The following OPRM1 variants were observed in gnomAD, a reference collection of about 807,000 sequenced individuals.
OPRM1 encodes the protein mu-type opioid receptor.
A neutral mutation model predicts 31.8 loss-of-function variants in OPRM1; 27 were observed. The observed-to-expected ratio is 0.85, with a 90% CI of 0.63 to 1.17. The LOEUF is 1.17. OPRM1 is among the 50% of genes most tolerant of loss of function. The pLI is 0.00. For synonymous variants in OPRM1, 196 were observed against 189.9 expected (o/e 1.03, Z -0.26); for missense variants, 536 against 511.1 (o/e 1.05, Z -0.47).
At position 154,121,008 on chromosome 6, in the gene OPRM1, G is replaced by A. The variant is rs598160; in HGVS notation, c.*2287G>A. Among the ~76,000 whole-genome samples, 101,643 of 152,042 alleles carry A rather than the reference G, an allele frequency of 0.67. 34,307 individuals carry two copies. Among genetic ancestry groups the A allele is most frequent in the East Asian group, 0.9 (4,661 of 5,188 alleles). The stretch of plus-strand genomic sequence containing the variant: ...TTTTCATTCAAAACCATTTTTTAAC[G>A]TAAATTTGCTAGAACCACCTTCCAA... On this transcript the variant is annotated 3_prime_UTR_variant, in exon 4 of 4. Transcript: ENST00000330432.
At chr6:154,057,732 G>A (rs1284828670) in intron 1 of OPRM1, among the ~76,000 whole-genome samples, 2 of 152,192 alleles carry the variant, frequency 1.3e-5, no homozygotes, top group Non-Finnish European at 1.5e-5. Flanking sequence ...AGTCCTGTAT[G>A]AGTGGAATTT....
chr6:154,152,338 A>AAG (rs1562510643), intron 3 of OPRM1, among the ~76,000 whole-genome samples: 3 of 19,446 alleles, frequency 1.5e-4, no homozygotes, highest in Non-Finnish European at 3.1e-4. Context: ...AAAGAAAGAA[A>AAG]GAAAGAAAGG....
At chr6:154,182,449 G>A (rs1369756461) in intron 3 of OPRM1, among the ~76,000 whole-genome samples, 1 of 151,838 alleles carries the variant, frequency 6.6e-6, no homozygotes, top group Non-Finnish European at 1.5e-5. Context: ...TCAACTATCT[G>A]ATTAAGTAGC....
intron 1 of OPRM1, among the ~76,000 whole-genome samples, chr6:154,076,298 A>G (rs552230801): frequency 3.9e-5 from 6 of 152,216 alleles, no homozygotes; most frequent in Admixed American, 1.3e-4. Context: ...GGACAAAAAC[A>G]CTATGAATAA....
intron 3 of OPRM1, among the ~76,000 whole-genome samples, chr6:154,117,565 A>G (rs1156624934): frequency 6.6e-6 from 1 of 152,170 alleles, no homozygotes; most frequent in Non-Finnish European, 1.5e-5. Context: ...CTTAAGTCTC[A>G]GCACCTGGGG....
intron 1 of OPRM1, among the ~76,000 whole-genome samples, chr6:154,033,085 C>T (rs1188429702): frequency 6.6e-6 from 1 of 152,106 alleles, no homozygotes; most frequent in Non-Finnish European, 1.5e-5. Flanking sequence ...AAAACATCAA[C>T]ATTTAAAATG....
At chr6:154,133,834 T>C (rs186324977), downstream of OPRM1, among the ~76,000 whole-genome samples, 2 of 152,330 alleles carry the variant, frequency 1.3e-5, no homozygotes, top group East Asian at 3.9e-4. Context: ...CAAGACTGAC[T>C]GCTATTCTTG....
chr6:154,059,720 T>C (rs1784036045), intron 1 of OPRM1, among the ~76,000 whole-genome samples: 1 of 152,246 alleles, frequency 6.6e-6, no homozygotes, highest in African/African-American at 2.4e-5. Context: ...TCATGTGACA[T>C]ACAGTAGCTG....
intron 1 of OPRM1, among the ~76,000 whole-genome samples, chr6:154,043,640 GATA>G (rs575856782): frequency 2.6e-5 from 4 of 151,584 alleles, no homozygotes; most frequent in Non-Finnish European, 5.9e-5. Context: ...AAAATAAAAA[GATA>G]ATAGTTTATT....
In OPRM1 at chr6:154,076,384, C is replaced by T. The variant is rs547465493; in HGVS notation, c.291-13442C>T. Among the ~76,000 whole-genome samples, 96 of 152,258 alleles carry T rather than the reference C, an allele frequency of 6.3e-4. 1 individual carries two copies. In the South Asian group the frequency reaches 9.3e-3, roughly 15 times the overall value. The stretch of plus-strand genomic sequence containing the variant: ...TTTTTATAAATCAGTGAGAAAAAGA[C>T]AACCTAATAAAAATGGTCAAAAAAT... On this transcript the variant is annotated intron_variant, in intron 1 of 3. Coordinates refer to ENST00000330432, the MANE Select transcript of OPRM1 (RefSeq NM_000914.5).
chr6:154,056,961 G>A (rs929738975), intron 1 of OPRM1, among the ~76,000 whole-genome samples: 1 of 152,160 alleles, frequency 6.6e-6, no homozygotes, highest in African/African-American at 2.4e-5. Context: ...GAAATTGGTA[G>A]TCCTATTAAA....
Position 154,126,840 on chromosome 6 carries a change from G to C in OPRM1, c.*8119G>C, listed in dbSNP as rs371918322. The stretch of plus-strand genomic sequence containing the variant: ...AAATAAAAAAGTGCCTGCTGGGCGC[G>C]GTGGCTCACGCCTGTAATTCCAGCA... On this transcript the variant is annotated 3_prime_UTR_variant, in exon 4 of 4. Coordinates refer to ENST00000330432, the MANE Select transcript of OPRM1 (RefSeq NM_000914.5). 1.7e-4 allele frequency among the ~76,000 whole-genome samples: 26 copies of C among 152,234 alleles called. 1 individual carries two copies. The highest frequency in any genetic ancestry group is 1.2e-3 in the Admixed American group (19 of 15,294).
At chr6:154,037,145 G>A (rs1779352402), upstream of OPRM1, among the ~76,000 whole-genome samples, 1 of 151,898 alleles carries the variant, frequency 6.6e-6, no homozygotes, top group Admixed American at 6.6e-5. Context: ...TAAATTTATA[G>A]GAGATGAAAC....
chr6:154,154,873 T>C lies in OPRM1; in HGVS notation c.1164+63401T>C, dbSNP rs570449516. 2.6e-5 allele frequency: 4 copies of C among 152,702 alleles called. No individual in the cohort carries two copies. The East Asian group carries it at 7.7e-4, about 29-fold the overall frequency. 9.5% of individuals were successfully genotyped at this position (152,702 alleles called of 1,614,324 possible). ...AGCTAAGATTTCCACATTAATATCTTGCCCCCAAACACCATGCAGTGCTAA... is the reference window on the plus strand; with the variant it reads ...AGCTAAGATTTCCACATTAATATCTCGCCCCCAAACACCATGCAGTGCTAA... On this transcript the variant is annotated intron_variant, in intron 3 of 3. Coordinates refer to the OPRM1 transcript ENST00000337049.
At chr6:154,235,009 T>C (rs1365309167) in intron 3 of OPRM1, among the ~76,000 whole-genome samples, 1 of 152,224 alleles carries the variant, frequency 6.6e-6, no homozygotes, top group African/African-American at 2.4e-5. Context: ...GGCTGGTCTC[T>C]GCACCAGCAT....
intron 3 of OPRM1, among the ~76,000 whole-genome samples, chr6:154,232,035 C>T (rs1034213701): frequency 6.6e-6 from 1 of 152,126 alleles, no homozygotes; most frequent in Non-Finnish European, 1.5e-5. Context: ...ATCATTTTTA[C>T]ATAGTCTTGG....
chr6:154,188,382 C>T (rs1057276092), intron 3 of OPRM1, among the ~76,000 whole-genome samples: 68 of 152,184 alleles, frequency 4.5e-4, no homozygotes, highest in African/African-American at 1.6e-3. Context: ...GGTAAAGAGA[C>T]CAATTTCATG....
At chr6:154,110,701 A>T (rs972221333) in intron 3 of OPRM1, among the ~76,000 whole-genome samples, 1 of 152,134 alleles carries the variant, frequency 6.6e-6, no homozygotes, top group Non-Finnish European at 1.5e-5. Flanking sequence ...ATCCTGGCTA[A>T]CATGGTGAAA....
intron 3 of OPRM1, among the ~76,000 whole-genome samples, chr6:154,188,884 A>T (rs1801616130): frequency 6.6e-6 from 1 of 152,352 alleles, no homozygotes; most frequent in South Asian, 2.1e-4. Flanking sequence ...CGTTTATAAA[A>T]TATGGAAGAA....
Sources: gnomAD v4.1 joint callset for allele counts (sites outside exome capture counted in the v4.1 genomes callset) on GRCh38, gnomAD v4.1.1 for gene constraint, MANE v1.5 for transcripts, NCBI Gene and HGNC (gene_info 2026-07-23, HGNC 2026-07-21) for gene names.